SMARCA4: variants seen among roughly 807,000 people sequenced by gnomAD.
The protein encoded by SMARCA4 is SWI/SNF related BAF chromatin remodeling complex subunit ATPase 4.
Under a neutral mutation model 193.9 loss-of-function variants are expected in SMARCA4, and 31 were observed. The observed-to-expected ratio is 0.16, with a 90% CI of 0.12 to 0.22. The LOEUF (loss-of-function observed/expected upper bound fraction) is 0.22, where lower values mean the gene tolerates loss of function less well. Ranked by LOEUF, SMARCA4 falls within the 10% of genes least tolerant of loss-of-function variation. The pLI is 1.00. For missense variants in SMARCA4, 1,148 were observed against 2,296.0 expected, an observed-to-expected ratio of 0.50 and a Z score of 10.22; for synonymous variants, 942 against 933.1, an observed-to-expected ratio of 1.01 and a Z score of -0.17.
At chr19:11,051,578 C>A (rs535784779) in intron 30 of SMARCA4, among the ~76,000 whole-genome samples, 6 of 151,082 alleles carry the variant, frequency 4.0e-5, no homozygotes, top group African/African-American at 1.5e-4. Flanking sequence ...GCAAATTCTG[C>A]CTCCTGGGTT....
intron 23 of SMARCA4, 136 bp downstream of exon 23, chr19:11,026,482 G>A (rs2090268051): frequency 8.4e-6 from 5 of 598,404 alleles, no homozygotes; most frequent in Non-Finnish European, 1.5e-5. Flanking sequence ...AGAATCCAAA[G>A]CAAATAATAC....
chr19:10,968,525 T>G (rs2084418190), intron 1 of SMARCA4, among the ~76,000 whole-genome samples: 2 of 152,072 alleles, frequency 1.3e-5, no homozygotes, highest in Admixed American at 1.3e-4. Context: ...CACTTTTTAT[T>G]TTTTTAGAGA....
intron 21 of SMARCA4, 34 bp from the exon 22 acceptor site, chr19:11,025,388 G>A (rs753775198): frequency 4.0e-5 from 59 of 1,462,578 alleles, no homozygotes; most frequent in Non-Finnish European, 5.4e-5. Flanking sequence ...AGGAGGGCAA[G>A]ACCCCATTTG....
At chr19:11,005,681 A>G (rs896620057) in intron 13 of SMARCA4, among the ~76,000 whole-genome samples, 2 of 151,562 alleles carry the variant, frequency 1.3e-5, no homozygotes, top group African/African-American at 2.4e-5. Flanking sequence ...AGCCCCTTCC[A>G]CCTCCCTGCC....
chr19:11,008,086 G>A (rs2088419093), intron 14 of SMARCA4, 63 bp downstream of exon 14: 1 of 1,556,170 alleles, frequency 6.4e-7, no homozygotes, highest in Non-Finnish European at 8.8e-7. Flanking sequence ...TGGTGGGAGT[G>A]GCTAGAATCC....
chr19:10,983,252 G>T (rs2085710971), intron 1 of SMARCA4, among the ~76,000 whole-genome samples: 1 of 152,164 alleles, frequency 6.6e-6, no homozygotes, highest in African/African-American at 2.4e-5. Context: ...AAAGGAAAAG[G>T]TGACGTTTCC....
intron 19 of SMARCA4, among the ~76,000 whole-genome samples, 179 bp from the exon 20 acceptor site, chr19:11,023,339 A>G (rs911874341): frequency 4.6e-5 from 7 of 152,206 alleles, no homozygotes; most frequent in African/African-American, 1.7e-4. Flanking sequence ...TTTCCTAAGG[A>G]AGAGGGTGCC....
At chr19:11,024,502 C>A in intron 21 of SMARCA4, 64 bp downstream of exon 21, 1 of 1,029,964 alleles carries the variant, frequency 9.7e-7, no homozygotes, top group Non-Finnish European at 1.5e-6. Context: ...GCGTGGCAGG[C>A]AGAGCAGAGC....
At chr19:11,007,019 G>GGAGGTAGCAGCGAGCT (rs2088283340) in intron 13 of SMARCA4, among the ~76,000 whole-genome samples, 1 of 151,984 alleles carries the variant, frequency 6.6e-6, no homozygotes, top group African/African-American at 2.4e-5. Flanking sequence ...TCCAGTGGGT[G>GGAGGTAGCAGCGAGCT]GAGGTAGCAG....
At chr19:11,029,028 G>A (rs1600346664) in intron 24 of SMARCA4, among the ~76,000 whole-genome samples, 1 of 152,186 alleles carries the variant, frequency 6.6e-6, no homozygotes, top group African/African-American at 2.4e-5. Flanking sequence ...AGTGTGCCCT[G>A]TGTGTCCCTC....
chr19:10,964,807 G>A (rs555107723), intron 1 of SMARCA4, among the ~76,000 whole-genome samples: 126 of 152,078 alleles, frequency 8.3e-4, no homozygotes, highest in Non-Finnish European at 1.2e-3. Context: ...AGTAGAGACC[G>A]GGTTTCACCA....
At chr19:10,982,235 G>T (rs1017591829) in intron 1 of SMARCA4, among the ~76,000 whole-genome samples, 1 of 152,088 alleles carries the variant, frequency 6.6e-6, no homozygotes, top group African/African-American at 2.4e-5. Flanking sequence ...AGCACTTTGG[G>T]AGGTCGAGGC....
rs1221379855 is a variant in SMARCA4 at position 11,019,974 on chromosome 19, G to C, written c.2616+273G>C. On this transcript the variant is annotated intron_variant, in intron 18 of 34. Transcript: ENST00000344626. This position sits in a 1 kb window ranked among gnomAD's most constrained non-coding sequence, Gnocchi z 6.1. Reference sequence around the variant, plus strand: ...CCTCCTCTCGGGCCTTCTGCCCAGAGAGCCTCAGCACCAAGGCGTCTCCTG... The same window carrying C: ...CCTCCTCTCGGGCCTTCTGCCCAGACAGCCTCAGCACCAAGGCGTCTCCTG... Among the ~76,000 whole-genome samples the C allele has an allele frequency of 1.3e-5, 2 of 152,218 alleles. No individual in the cohort carries two copies. The highest frequency in any genetic ancestry group is 2.9e-5 in the Non-Finnish European group (2 of 68,046).
In SMARCA4 at chr19:11,059,817, A is replaced by G. The variant is rs1310082332; in HGVS notation, c.4700A>G (p.Glu1567Gly). The change falls in exon 33 of 35, where the codon GAG (glutamate) becomes GGG (glycine). Residue 1567 changes from glutamate (E) to glycine (G), a missense_variant. Physicochemically the swap from Glu to Gly is moderately conservative, Grantham distance 98. Around this residue, in one of 17 missense-constraint regions of SMARCA4, gnomAD observed 105 missense variants for 133.7 expected, o/e 0.79. Transcript: ENST00000344626. ...FTSVRQKIEK[E>G]DDSEGEESEE... ...AGCGTGCGGCAGAAAATCGAGAAGG[A>G]GGATGACAGTGAAGGCGAGGAGAGT... 2.5e-6 allele frequency: 4 copies of G among 1,613,182 alleles called. No individual in the cohort carries two copies. The highest frequency in any genetic ancestry group is 3.4e-6 in the Non-Finnish European group (4 of 1,179,528).
rs1555753296 is a variant in SMARCA4 at position 10,986,362 on chromosome 19, C to T, written c.529C>T (p.Leu177=). Residue 177 remains leucine, a synonymous_variant, in exon 4 of 35, where the codon CTG becomes TTG. Transcript: ENST00000344626. The surrounding 1 kb of genome is among the most constrained non-coding windows in gnomAD (Gnocchi z 6.7). ...CCCAACCCCATTTAACCAGAACCAG[C>T]TGCACCAGCTCAGAGCTCAGATCAT... is the stretch of plus-strand genomic sequence containing the variant. ...RGPTPFNQNQ[L]HQLRAQIMAY... is the part of the protein sequence containing the mutation. 1.2e-5 allele frequency: 19 copies of T among 1,610,804 alleles called. No homozygotes were observed. Among genetic ancestry groups the T allele is most frequent in the Non-Finnish European group, 1.6e-5 (19 of 1,178,852 alleles).
chr19:11,034,167 C>A lies in SMARCA4; in HGVS notation c.3918C>A (p.Ile1306=), dbSNP rs773151387. 6.2e-7 allele frequency: 1 copy of A among 1,613,828 alleles called. No homozygotes were observed. Among genetic ancestry groups the A allele is most frequent in the Non-Finnish European group, 8.5e-7 (1 of 1,179,946 alleles). Reference sequence around the variant, plus strand: ...ACGACGAGACCGTCAACCAGATGATCGCCCGGCACGAGGAGGAGTTTGATC... The same window carrying A: ...ACGACGAGACCGTCAACCAGATGATAGCCCGGCACGAGGAGGAGTTTGATC... ...VPDDETVNQM[I]ARHEEEFDLF... is the part of the protein sequence containing the mutation. The change falls in exon 28 of 35, where the codon ATC becomes ATA. Residue 1306 remains isoleucine, a synonymous_variant. Transcript: ENST00000344626. The surrounding 1 kb of genome is among the most constrained non-coding windows in gnomAD (Gnocchi z 7.0).
chr19:11,039,666 T>C (rs965226055), intron 29 of SMARCA4: 2 of 493,146 alleles, frequency 4.1e-6, no homozygotes, highest in Non-Finnish European at 7.1e-6. Context: ...TTTTATGTTA[T>C]ATATGATTTA....
At chr19:10,991,100 G>A (rs2145875830) in intron 7 of SMARCA4, 50 bp from the exon 8 acceptor site, 6 of 1,608,672 alleles carry the variant, frequency 3.7e-6, no homozygotes, top group Non-Finnish European at 5.1e-6. Context: ...TGTCATTGTG[G>A]ATGCCACAGA....
intron 20 of SMARCA4, 39 bp from the exon 21 acceptor site, chr19:11,024,292 C>T (rs2146469295): frequency 6.9e-7 from 1 of 1,459,480 alleles, no homozygotes; most frequent in Non-Finnish European, 9.6e-7. Flanking sequence ...AGGCCTCAAG[C>T]CACCTTGGGC....
Sources: gnomAD v4.1 joint callset for allele counts (sites outside exome capture counted in the v4.1 genomes callset) on GRCh38, gnomAD v4.1.1 for gene constraint, gnomAD v4.1.1 regional missense constraint, Gnocchi (gnomAD v3.1) non-coding constraint, MANE v1.5 for transcripts, NCBI Gene and HGNC (gene_info 2026-07-23, HGNC 2026-07-21) for gene names.